Variants in NAALADL2 observed in about 807,000 individuals in gnomAD.
The protein encoded by NAALADL2 is N-acetylated alpha-linked acidic dipeptidase like 2.
In NAALADL2, 76 loss-of-function variants were observed where a neutral mutation model predicts 87.2. The ratio of observed to expected loss-of-function variants is 0.87; its 90% confidence interval spans 0.72 to 1.05. The LOEUF (loss-of-function observed/expected upper bound fraction) is 1.05. Ranked by LOEUF, NAALADL2 falls within the 50% of genes least tolerant of loss-of-function variation. The probability of loss-of-function intolerance (pLI) is 0.00; values close to 1 mark genes in which losing one functional copy is unlikely to be tolerated. For missense variants in NAALADL2, 1,089 were observed against 945.8 expected (o/e 1.15, Z -1.99); for synonymous variants, 354 against 331.0 (o/e 1.07, Z -0.75).
intron 10 of NAALADL2, among the ~76,000 whole-genome samples, chr3:175,589,159 G>A (rs1721001941): frequency 6.6e-6 from 1 of 152,150 alleles, no homozygotes; most frequent in Non-Finnish European, 1.5e-5. Flanking sequence ...AATTTAATCT[G>A]AATTTATTCA....
At chr3:175,136,107 A>T (rs2108680487) in intron 2 of NAALADL2, among the ~76,000 whole-genome samples, 1 of 152,216 alleles carries the variant, frequency 6.6e-6, no homozygotes, top group East Asian at 1.9e-4. Context: ...GAGGGAAGAT[A>T]AGGTGAGATA....
At chr3:175,438,761 T>A (rs952824643) in intron 5 of NAALADL2, among the ~76,000 whole-genome samples, 1 of 152,270 alleles carries the variant, frequency 6.6e-6, no homozygotes, top group South Asian at 2.1e-4. Context: ...ATTTTTATCC[T>A]TGCACCACCA....
intron 3 of NAALADL2, among the ~76,000 whole-genome samples, chr3:174,757,637 ACG>A (rs1712299269): frequency 6.6e-6 from 1 of 151,934 alleles, no homozygotes; most frequent in Non-Finnish European, 1.5e-5. Flanking sequence ...GACTACAGGT[ACG>A]CACCACCACG....
chr3:175,749,818 C>T (rs1419147877), intron 12 of NAALADL2, among the ~76,000 whole-genome samples: 2 of 152,122 alleles, frequency 1.3e-5, no homozygotes, highest in Admixed American at 6.5e-5. Flanking sequence ...TGGATACAGT[C>T]GTTACTGTAG....
chr3:175,470,871 C>A (rs778322155), intron 8 of NAALADL2, among the ~76,000 whole-genome samples: 1 of 151,974 alleles, frequency 6.6e-6, no homozygotes, highest in East Asian at 1.9e-4. Flanking sequence ...TGTATTATGG[C>A]CCATTTTACT....
intron 2 of NAALADL2, among the ~76,000 whole-genome samples, chr3:175,131,730 C>A (rs140227952): frequency 0.47 from 68,668 of 147,240 alleles, 15,741 homozygotes; most frequent in East Asian, 0.61. Flanking sequence ...CGGGCAGAGG[C>A]GCCCCTCACC....
chr3:175,111,857 CG>C (rs1056631181), intron 2 of NAALADL2, among the ~76,000 whole-genome samples: 1 of 151,512 alleles, frequency 6.6e-6, no homozygotes, highest in Non-Finnish European at 1.5e-5. Flanking sequence ...GACTTGAAAT[CG>C]GGGGAATTTA....
intron 1 of NAALADL2, 114 bp from the exon 2 acceptor site, chr3:175,096,676 T>A: frequency 2.0e-6 from 1 of 502,656 alleles, no homozygotes. Context: ...AGAATTTATT[T>A]CCCTGTATTA....
chr3:174,735,163 T>C (rs928988562), intron 2 of NAALADL2, among the ~76,000 whole-genome samples: 2 of 152,230 alleles, frequency 1.3e-5, no homozygotes, highest in South Asian at 4.1e-4. Context: ...GCATTATTAC[T>C]TAATATCACA....
intron 5 of NAALADL2, among the ~76,000 whole-genome samples, chr3:175,341,988 A>G (rs1762610921): frequency 1.3e-5 from 2 of 152,184 alleles, no homozygotes; most frequent in Admixed American, 1.3e-4. Flanking sequence ...GCATAGATGT[A>G]TGGGTTAATT....
intron 9 of NAALADL2, among the ~76,000 whole-genome samples, chr3:175,491,647 C>A (rs1238542741): frequency 6.6e-6 from 1 of 152,088 alleles, no homozygotes; most frequent in Non-Finnish European, 1.5e-5. Flanking sequence ...GTGGACAAGG[C>A]ACACTGAAAT....
intron 10 of NAALADL2, among the ~76,000 whole-genome samples, chr3:175,583,396 G>A (rs184812407): frequency 1.7e-4 from 26 of 150,612 alleles, no homozygotes; most frequent in African/African-American, 3.9e-4. Flanking sequence ...CTCATGATTA[G>A]ACAATTTAAT....
chr3:175,134,686 ATAAG>A (rs149530346), intron 2 of NAALADL2, among the ~76,000 whole-genome samples: 10,109 of 152,224 alleles, frequency 0.066, 423 homozygotes, highest in South Asian at 0.11. Flanking sequence ...GGGTGGAACA[ATAAG>A]TAAGGGAGAT....
At chr3:175,323,051 C>A (rs1461268419) in intron 4 of NAALADL2, among the ~76,000 whole-genome samples, 1,673 of 148,696 alleles carry the variant, frequency 0.011, 13 homozygotes, top group African/African-American at 0.015. Context: ...ATGTTTATTG[C>A]GGCACTATTC....
At chr3:175,045,032 C>T (rs1182099406) in intron 1 of NAALADL2, among the ~76,000 whole-genome samples, 2 of 151,580 alleles carry the variant, frequency 1.3e-5, no homozygotes, top group Non-Finnish European at 2.9e-5. Flanking sequence ...TATTTTATTT[C>T]CCCCATCCCA....
chr3:175,723,682 CT>C (rs1281403921), intron 11 of NAALADL2, among the ~76,000 whole-genome samples: 2 of 152,038 alleles, frequency 1.3e-5, no homozygotes, highest in Non-Finnish European at 2.9e-5. Context: ...TATCTTTCTC[CT>C]TTACATGGAG....
intron 9 of NAALADL2, among the ~76,000 whole-genome samples, chr3:175,532,275 T>A (rs769502122): frequency 2.6e-5 from 4 of 152,192 alleles, no homozygotes; most frequent in Non-Finnish European, 2.9e-5. Context: ...TGTCCAGTAG[T>A]CCCTAAAATG....
At chr3:175,587,926 C>A (rs1053344720) in intron 10 of NAALADL2, among the ~76,000 whole-genome samples, 2 of 152,034 alleles carry the variant, frequency 1.3e-5, no homozygotes, top group Non-Finnish European at 2.9e-5. Flanking sequence ...GGAGATGATA[C>A]ACCTGGGGAA....
At chr3:175,175,516 T>G (rs1448199994) in intron 2 of NAALADL2, among the ~76,000 whole-genome samples, 6 of 152,072 alleles carry the variant, frequency 3.9e-5, no homozygotes, top group Non-Finnish European at 8.8e-5. Context: ...CTGTTGTCCG[T>G]GTAAATTTCA....
Sources: gnomAD v4.1 joint callset for allele counts (sites outside exome capture counted in the v4.1 genomes callset) on GRCh38, gnomAD v4.1.1 for gene constraint, MANE v1.5 for transcripts, NCBI Gene and HGNC (gene_info 2026-07-23, HGNC 2026-07-21) for gene names.